BACH2: variants seen among roughly 807,000 people sequenced by gnomAD.
BACH2 encodes BACH transcriptional regulator 2.
A neutral mutation model predicts 61.8 loss-of-function variants in BACH2; 5 were observed. The observed-to-expected ratio is 0.08, with a 90% CI of 0.04 to 0.17. BACH2 has a LOEUF of 0.17. Among genes scored for constraint, BACH2 ranks in the 10% least tolerant of loss-of-function variants. The pLI, the probability that BACH2 is intolerant of heterozygous loss-of-function variation, is 1.00. For missense variants in BACH2, 824 were observed against 1,091.1 expected (o/e 0.76, Z 3.45); for synonymous variants, 446 against 440.1 (o/e 1.01, Z -0.17).
In BACH2 at chr6:89,951,265, T is replaced by G. The variant is rs1774090569; in HGVS notation, c.841A>C (p.Ser281Arg). The G allele has an allele frequency of 1.9e-6, 3 of 1,614,202 alleles. No individual in the cohort carries two copies. In the East Asian group the frequency reaches 6.7e-5, roughly 36 times the overall value. The change falls in exon 7 of 9, where the codon AGT (serine) becomes CGT (arginine). Residue 281 changes from serine (S) to arginine (R), a missense_variant. Coordinates refer to ENST00000257749, the MANE Select transcript of BACH2 (RefSeq NM_021813.4). This position sits in a 1 kb window ranked among gnomAD's most constrained non-coding sequence, Gnocchi z 6.4. ...ARGQIKSEPP[S>R]EENEEESITL... ...ATGCTCTCTTCCTCATTCTCTTCAC[T>G]GGGCGGCTCACTTTTAATCTGCCCC...
At chr6:90,243,046 ATTTTTT>A (rs397886318) in intron 3 of BACH2, among the ~76,000 whole-genome samples, 12 of 101,230 alleles carry the variant, frequency 1.2e-4, no homozygotes, top group African/African-American at 3.7e-4. Flanking sequence ...TGCCCGGCTA[ATTTTTT>A]TTTTTTTTTT....
chr6:90,108,852 CCCCATTCTTGGG>C (rs1191206173), intron 4 of BACH2, among the ~76,000 whole-genome samples: 19 of 152,320 alleles, frequency 1.2e-4, no homozygotes, highest in African/African-American at 3.8e-4. Flanking sequence ...GGATGACCTG[CCCCATTCTTGGG>C]CTTTCTGTTT....
At chr6:90,205,481 G>A (rs1344747569) in intron 4 of BACH2, among the ~76,000 whole-genome samples, 1 of 152,064 alleles carries the variant, frequency 6.6e-6, no homozygotes, top group Non-Finnish European at 1.5e-5. Context: ...GGACATTTTT[G>A]GTTGTCACAA....
chr6:89,983,822 A>C (rs1776089682), intron 6 of BACH2, among the ~76,000 whole-genome samples: 1 of 152,228 alleles, frequency 6.6e-6, no homozygotes, highest in Non-Finnish European at 1.5e-5. Context: ...AATGGAAAAC[A>C]TATTCTAGCA....
chr6:90,205,297 C>T (rs1769106004), intron 4 of BACH2, among the ~76,000 whole-genome samples: 1 of 152,216 alleles, frequency 6.6e-6, no homozygotes, highest in Non-Finnish European at 1.5e-5. Context: ...AATAACACAC[C>T]TGTTTTTGTA....
intron 6 of BACH2, among the ~76,000 whole-genome samples, chr6:89,979,283 G>A (rs1265924304): frequency 6.6e-6 from 1 of 152,150 alleles, no homozygotes; most frequent in Non-Finnish European, 1.5e-5. Flanking sequence ...CTAGAACTTT[G>A]CTAAATGATC....
chr6:90,076,593 C>T (rs1393943770), intron 5 of BACH2, among the ~76,000 whole-genome samples: 1 of 152,168 alleles, frequency 6.6e-6, no homozygotes, highest in Admixed American at 6.5e-5. Context: ...GTGCCAACAG[C>T]CCCCTTTCCC....
At chr6:90,213,405 T>C (rs1769422697) in intron 3 of BACH2, among the ~76,000 whole-genome samples, 1 of 152,208 alleles carries the variant, frequency 6.6e-6, no homozygotes, top group Non-Finnish European at 1.5e-5. Context: ...ACACCTTCCA[T>C]GTCAGTCAGG....
chr6:90,152,346 G>A (rs1784853269), intron 4 of BACH2, among the ~76,000 whole-genome samples: 1 of 152,174 alleles, frequency 6.6e-6, no homozygotes, highest in South Asian at 2.1e-4. Context: ...CTGAAATAAA[G>A]AGGCTTCCAG....
At chr6:89,947,479 T>G (rs993975503) in intron 7 of BACH2, among the ~76,000 whole-genome samples, 1 of 152,178 alleles carries the variant, frequency 6.6e-6, no homozygotes, top group African/African-American at 2.4e-5. Context: ...ACTGTACCAC[T>G]GAGAGGGGCT....
chr6:90,152,423 GC>G (rs1196626134), intron 4 of BACH2, among the ~76,000 whole-genome samples: 1 of 152,190 alleles, frequency 6.6e-6, no homozygotes, highest in Non-Finnish European at 1.5e-5. Flanking sequence ...TAATAGGGCA[GC>G]TGTAAATATA....
intron 5 of BACH2, among the ~76,000 whole-genome samples, chr6:90,037,560 C>T (rs1779321601): frequency 4.6e-5 from 7 of 152,108 alleles, no homozygotes; most frequent in Admixed American, 4.6e-4. Context: ...GATTACCTAC[C>T]TCTTTCTGCA....
At chr6:90,159,921 T>C (rs1785131636) in intron 4 of BACH2, among the ~76,000 whole-genome samples, 2 of 152,196 alleles carry the variant, frequency 1.3e-5, no homozygotes, top group Admixed American at 6.5e-5. Flanking sequence ...GAATGGAACA[T>C]TGGTTTTTGG....
At chr6:90,057,819 C>T (rs1431614183) in intron 5 of BACH2, among the ~76,000 whole-genome samples, 1 of 152,170 alleles carries the variant, frequency 6.6e-6, no homozygotes, top group African/African-American at 2.4e-5. Flanking sequence ...GCTGGTTCAA[C>T]ATACACAAAT....
chr6:90,091,596 A>C (rs969715975), intron 4 of BACH2, among the ~76,000 whole-genome samples: 2 of 152,182 alleles, frequency 1.3e-5, no homozygotes, highest in African/African-American at 4.8e-5. Context: ...AGAATGCCAC[A>C]ATTTTCATAT....
intron 5 of BACH2, among the ~76,000 whole-genome samples, chr6:90,041,929 C>A (rs554782731): frequency 1.3e-5 from 2 of 151,972 alleles, no homozygotes; most frequent in Admixed American, 6.6e-5. Flanking sequence ...TCTTTTCTAA[C>A]GTTTTGAGTT....
chr6:90,196,690 C>G (rs1330174810), intron 4 of BACH2, among the ~76,000 whole-genome samples: 2 of 152,032 alleles, frequency 1.3e-5, no homozygotes, highest in African/African-American at 2.4e-5. Flanking sequence ...TTAACAGGTG[C>G]TCCTTGATCA....
chr6:90,257,409 G>A (rs1277371493), intron 2 of BACH2, among the ~76,000 whole-genome samples: 2 of 152,142 alleles, frequency 1.3e-5, no homozygotes, highest in Non-Finnish European at 2.9e-5. Flanking sequence ...TTTGATAACA[G>A]CCATCCTAAC....
chr6:90,229,239 A>C (rs1002099817), intron 3 of BACH2, among the ~76,000 whole-genome samples: 3 of 152,178 alleles, frequency 2.0e-5, no homozygotes, highest in African/African-American at 7.2e-5. Flanking sequence ...CAGGCGGATG[A>C]CCTGAGGTCG....
Sources: allele counts gnomAD v4.1 joint callset (sites outside exome capture counted in the v4.1 genomes callset), GRCh38; gene constraint gnomAD v4.1.1; non-coding constraint Gnocchi (gnomAD v3.1); transcripts MANE v1.5; gene names NCBI Gene and HGNC (gene_info 2026-07-23, HGNC 2026-07-21).